Variants in SLC12A7 observed in about 807,000 individuals in gnomAD.
The protein encoded by SLC12A7 is solute carrier family 12 member 7, also known as K-Cl cotransporter 4.
SLC12A7 carries 100 observed loss-of-function variants against 120.6 expected under a neutral mutation model. The ratio of observed to expected loss-of-function variants is 0.83; its 90% CI spans 0.71 to 0.98. SLC12A7 has a LOEUF of 0.98. Ranked by LOEUF, SLC12A7 falls within the 50% of genes least tolerant of loss-of-function variation. SLC12A7 has a pLI of 0.00. For synonymous variants in SLC12A7, 760 were observed against 678.0 expected, an observed-to-expected ratio of 1.12 and a Z score of -1.88; for missense variants, 1,373 against 1,548.1, an observed-to-expected ratio of 0.89 and a Z score of 1.90.
intron 1 of SLC12A7, among the ~76,000 whole-genome samples, chr5:1,096,932 G>C (rs115915993): frequency 0.03 from 4,465 of 150,172 alleles, 107 homozygotes; most frequent in Middle Eastern, 0.048. Flanking sequence ...GAGGGAGGGA[G>C]GGAGAGACCC....
chr5:1,095,973 C>T lies in SLC12A7; in HGVS notation c.125-1725G>A, dbSNP rs115762655. Among the ~76,000 whole-genome samples, 710 of 152,326 alleles carry T rather than the reference C, an allele frequency of 4.7e-3. 3 individuals carry two copies. Among genetic ancestry groups the T allele is most frequent in the African/African-American group, 0.016 (655 of 41,572 alleles). ...GTGCCACGGAGCAGCGGCCCCACCCCTCAAAAACGTCAGGGAGACAACTCA... is the reference window on the plus strand; with the variant it reads ...GTGCCACGGAGCAGCGGCCCCACCCTTCAAAAACGTCAGGGAGACAACTCA... On this transcript the variant is annotated intron_variant, in intron 1 of 23. Transcript: ENST00000264930.
the SLC12A7 span, among the ~76,000 whole-genome samples, chr5:1,150,865 C>T: frequency 5.3e-5 from 8 of 152,268 alleles, no homozygotes; most frequent in South Asian, 2.1e-4. Flanking sequence ...CTGCACACCA[C>T]GTTTCTGAGT....
At chr5:1,145,151 C>T in the SLC12A7 span, among the ~76,000 whole-genome samples, 3 of 152,206 alleles carry the variant, frequency 2.0e-5, no homozygotes, top group East Asian at 1.9e-4. The surrounding 1 kb of genome is among the most constrained non-coding windows in gnomAD (Gnocchi z 4.4). Context: ...GGAACCTGGC[C>T]GAGAACTCGG....
chr5:1,100,103 AGAG>A lies in SLC12A7; in HGVS notation c.125-5858_125-5856del, dbSNP rs1741869172. Among the ~76,000 whole-genome samples the A allele has an allele frequency of 1.3e-5, 2 of 152,174 alleles. 1 individual carries two copies. The highest frequency in any genetic ancestry group is 4.1e-4 in the South Asian group (2 of 4,830). ...GGGCTGGGCTCCCACACGCCTCGGAAGAGAAGAGCGAGGCAGCCGCTCAGGAAT... is the reference window on the plus strand; with the variant it reads ...GGGCTGGGCTCCCACACGCCTCGGAAAAGAGCGAGGCAGCCGCTCAGGAAT... On this transcript the variant is annotated intron_variant, in intron 1 of 23. Coordinates refer to ENST00000264930, the MANE Select transcript of SLC12A7 (RefSeq NM_006598.3).
chr5:1,077,320 C>T (rs186645885), intron 12 of SLC12A7, among the ~76,000 whole-genome samples: 1 of 152,356 alleles, frequency 6.6e-6, no homozygotes, highest in East Asian at 1.9e-4. Flanking sequence ...GCTCTGCCAT[C>T]CACGACCTTC....
At chr5:1,124,664 G>A in the SLC12A7 span, among the ~76,000 whole-genome samples, 1 of 152,124 alleles carries the variant, frequency 6.6e-6, no homozygotes, top group Non-Finnish European at 1.5e-5. Flanking sequence ...AGGGGAGGGA[G>A]GCCCTGGAGT....
At chr5:1,063,792 ACCTCCTCCCCACCTCCCCCCGG>A (rs1315344186) in intron 20 of SLC12A7, 30 bp downstream of exon 20, 2 of 37,194 alleles carry the variant, frequency 5.4e-5, no homozygotes, top group Admixed American at 3.4e-4. Context: ...GCCGCCCCCC[ACCTCCTCCCCACCTCCCCCCGG>A]CCTCCTCCCC....
intron 1 of SLC12A7, among the ~76,000 whole-genome samples, chr5:1,100,689 C>T (rs1037685069): frequency 6.6e-6 from 1 of 152,202 alleles, no homozygotes; most frequent in Non-Finnish European, 1.5e-5. Context: ...TCTTCCTCCC[C>T]GAAACACTCA....
intron 21 of SLC12A7, 150 bp downstream of exon 21, chr5:1,060,194 C>G: frequency 3.1e-6 from 2 of 639,018 alleles, no homozygotes; most frequent in Non-Finnish European, 5.5e-6. Context: ...GCCACCTCCA[C>G]GCAGGCTGGG....
chr5:1,138,017 C>T, the SLC12A7 span, among the ~76,000 whole-genome samples: 1 of 152,196 alleles, frequency 6.6e-6, no homozygotes, highest in Non-Finnish European at 1.5e-5. Context: ...CGCCGGCACC[C>T]GCCCCTCCTC....
At chr5:1,058,461 A>C (rs1735855011) in intron 21 of SLC12A7, among the ~76,000 whole-genome samples, 1 of 152,180 alleles carries the variant, frequency 6.6e-6, no homozygotes, top group Admixed American at 6.5e-5. Flanking sequence ...CACCTCTCCC[A>C]CTGTGGCTGG....
In SLC12A7 at chr5:1,103,618, C is replaced by T. The variant is rs1362979432; in HGVS notation, c.124+8250G>A. 2.0e-5 allele frequency among the ~76,000 whole-genome samples: 3 copies of T among 152,200 alleles called. No homozygotes were observed. The South Asian group carries it at 6.2e-4, about 32-fold the overall frequency. On this transcript the variant is annotated intron_variant, in intron 1 of 23. Coordinates refer to ENST00000264930, the MANE Select transcript of SLC12A7 (RefSeq NM_006598.3). ...GTCCTCACATGTGCATACCCATACCCGCAGTCACATACACACACCAACACC... is the reference window on the plus strand; with the variant it reads ...GTCCTCACATGTGCATACCCATACCTGCAGTCACATACACACACCAACACC...
At chr5:1,103,531 T>G (rs567285380) in intron 1 of SLC12A7, among the ~76,000 whole-genome samples, 1 of 152,206 alleles carries the variant, frequency 6.6e-6, no homozygotes, top group East Asian at 1.9e-4. Context: ...ATACCCATAC[T>G]CACACGCTTC....
intron 21 of SLC12A7, among the ~76,000 whole-genome samples, chr5:1,058,953 C>T (rs1271595749): frequency 2.0e-5 from 3 of 152,204 alleles, no homozygotes; most frequent in Non-Finnish European, 2.9e-5. Context: ...CCTTCGAGCT[C>T]GAGCTTGCTG....
intron 17 of SLC12A7, among the ~76,000 whole-genome samples, chr5:1,067,770 C>T (rs1414260724): frequency 1.3e-5 from 2 of 152,064 alleles, no homozygotes; most frequent in African/African-American, 4.8e-5. Context: ...CGGCACTGCC[C>T]TGGCCTGGCA....
At chr5:1,142,072 G>A in the SLC12A7 span, among the ~76,000 whole-genome samples, 2 of 151,852 alleles carry the variant, frequency 1.3e-5, no homozygotes, top group Non-Finnish European at 2.9e-5. Context: ...CGGGGCAGGT[G>A]GCGTCAGGGT....
chr5:1,134,779 G>T, the SLC12A7 span, among the ~76,000 whole-genome samples: 6 of 152,244 alleles, frequency 3.9e-5, no homozygotes, highest in South Asian at 4.2e-4. Flanking sequence ...GAGGTGGTGA[G>T]CAGATAAAGC....
At position 1,051,252 on chromosome 5, in the gene SLC12A7, G is replaced by T. The variant is rs1735001967; in HGVS notation, c.*1108C>A. ...GCAGGGGACGCCCGGGACTCAGCCAGACAGACCTGACACCAGGCGCCACTG... is the reference window on the plus strand; with the variant it reads ...GCAGGGGACGCCCGGGACTCAGCCATACAGACCTGACACCAGGCGCCACTG... On this transcript the variant is annotated 3_prime_UTR_variant, in exon 24 of 24. Coordinates refer to ENST00000264930, the MANE Select transcript of SLC12A7 (RefSeq NM_006598.3). 3.9e-6 allele frequency: 1 copy of T among 256,356 alleles called. No homozygotes were observed. The highest frequency in any genetic ancestry group is 6.8e-5 in the East Asian group (1 of 14,792). The allele number at this position is 256,356 out of a possible 1,614,324, so 15.9% of individuals were successfully genotyped here. A position where few individuals can be genotyped will look rare whatever the true frequency, so the allele number is the denominator to read the frequency against.
chr5:1,073,750 G>T lies in SLC12A7; in HGVS notation c.2124C>A (p.His708Gln), dbSNP rs534922965. 3.2e-6 allele frequency: 5 copies of T among 1,559,824 alleles called. No individual in the cohort carries two copies. The highest frequency in any genetic ancestry group is 2.8e-5 in the African/African-American group (2 of 72,412). The change falls in exon 17 of 24, where the codon CAC becomes CAA. Residue 708 changes from histidine to glutamine, a missense_variant. Physicochemically the swap from His to Gln is conservative, Grantham distance 24. Transcript: ENST00000264930. ...LNLDAEQAVK[H>Q]PRLLSFTSQL... ...GCGACGTGAAGGACAGCAGGCGGGG[G>T]TGCTTCACGGCCTGCTCCGCGTCCA...
Sources: gnomAD v4.1 joint callset for allele counts (sites outside exome capture counted in the v4.1 genomes callset) on GRCh38, gnomAD v4.1.1 for gene constraint, Gnocchi (gnomAD v3.1) non-coding constraint, MANE v1.5 for transcripts, NCBI Gene and HGNC (gene_info 2026-07-23, HGNC 2026-07-21) for gene names.